The following GOLGA3 variants were observed in gnomAD, a reference collection of about 807,000 sequenced individuals.
GOLGA3 encodes golgin subfamily A member 3.
A neutral mutation model predicts 169.4 loss-of-function variants in GOLGA3; 75 were observed. The observed-to-expected ratio is 0.44, with a 90% CI of 0.37 to 0.54. The LOEUF is 0.54. Ranked by LOEUF, GOLGA3 falls within the 20% of genes least tolerant of loss-of-function variation. The pLI, the probability that GOLGA3 is intolerant of heterozygous loss-of-function variation, is 0.00. For synonymous variants in GOLGA3, 824 were observed against 822.4 expected, an observed-to-expected ratio of 1.00 and a Z score of -0.03; for missense variants, 1,899 against 1,930.0, an observed-to-expected ratio of 0.98 and a Z score of 0.30.
chr12:132,780,574 G>C (rs376026994), intron 18 of GOLGA3, among the ~76,000 whole-genome samples: 1 of 152,200 alleles, frequency 6.6e-6, no homozygotes, highest in Non-Finnish European at 1.5e-5. Flanking sequence ...ACATGCACGC[G>C]GAGCTCATTG....
intron 15 of GOLGA3, among the ~76,000 whole-genome samples, chr12:132,786,107 T>C (rs1317684009): frequency 6.6e-6 from 1 of 151,972 alleles, no homozygotes; most frequent in Non-Finnish European, 1.5e-5. Context: ...TTGAGGAAAA[T>C]CAGGTGAACG....
At chr12:132,801,672 G>T in intron 8 of GOLGA3, 95 bp downstream of exon 8, 1 of 1,221,022 alleles carries the variant, frequency 8.2e-7, no homozygotes, top group Non-Finnish European at 1.2e-6. Context: ...AAACATGCCT[G>T]TGAACTCTAA....
chr12:132,791,434 A>C, intron 11 of GOLGA3, 141 bp from the exon 12 acceptor site: 1 of 583,300 alleles, frequency 1.7e-6, no homozygotes. Context: ...ACACATCCTC[A>C]CAGATGTTAC....
At chr12:132,795,424 C>A (rs550141174) in intron 11 of GOLGA3, among the ~76,000 whole-genome samples, 24 of 149,664 alleles carry the variant, frequency 1.6e-4, no homozygotes, top group African/African-American at 5.9e-4. Flanking sequence ...GTTAGGAGTT[C>A]GAGACTAGCC....
intron 11 of GOLGA3, among the ~76,000 whole-genome samples, chr12:132,793,702 T>C (rs1333793649): frequency 6.9e-6 from 1 of 145,390 alleles, no homozygotes; most frequent in Non-Finnish European, 1.5e-5. Flanking sequence ...GGACCCGCAC[T>C]CGGAGGGCTC....
intron 11 of GOLGA3, 79 bp downstream of exon 11, chr12:132,795,773 G>A: frequency 7.0e-7 from 1 of 1,425,366 alleles, no homozygotes; most frequent in Admixed American, 2.1e-5. Context: ...AAAAAAGAAA[G>A]AAAGAAAGAA....
intron 22 of GOLGA3, chr12:132,774,732 G>A (rs1171016081): frequency 9.6e-6 from 4 of 418,312 alleles, no homozygotes; most frequent in African/African-American, 4.1e-5. Context: ...AGCACACGAC[G>A]CTAAACGGCC....
At position 132,772,691 on chromosome 12, in the gene GOLGA3, A is replaced by G. The variant is rs1331347147; in HGVS notation, c.*414T>C. The G allele has an allele frequency of 6.2e-6, 1 of 162,352 alleles. No individual in the cohort carries two copies. The highest frequency in any genetic ancestry group is 2.4e-5 in the African/African-American group (1 of 41,872). The allele number at this position is 162,352 out of a possible 1,614,324, so 10.1% of individuals were successfully genotyped here. A position where few individuals can be genotyped will look rare whatever the true frequency, so the allele number is the denominator to read the frequency against. On this transcript the variant is annotated 3_prime_UTR_variant, in exon 24 of 24. Transcript: ENST00000450791. ...ATTTCTGCGGAAAAGTAAAGCTCTTACTGAATGGAACAGGGAAGTGAGAAA... is the reference window on the plus strand; with the variant it reads ...ATTTCTGCGGAAAAGTAAAGCTCTTGCTGAATGGAACAGGGAAGTGAGAAA...
In GOLGA3 at chr12:132,769,824, T is replaced by G. The variant is rs2044819176; in HGVS notation, c.*3281A>C. 6.6e-6 allele frequency: 1 copy of G among 152,190 alleles called. No homozygotes were observed. Among genetic ancestry groups the G allele is most frequent in the Non-Finnish European group, 1.5e-5 (1 of 68,044 alleles). 9.4% of individuals were successfully genotyped at this position (152,190 alleles called of 1,614,324 possible). ...GAGGATATTCCATCATTCCCACTTC[T>G]GCCCACAAGAACAAAATAATTCAAA... On this transcript the variant is annotated 3_prime_UTR_variant, in exon 24 of 24. Coordinates refer to ENST00000450791, the MANE Select transcript of GOLGA3 (RefSeq NM_001389683.1).
intron 1 of GOLGA3, chr12:132,827,959 T>C (rs370199712): frequency 3.2e-4 from 48 of 150,402 alleles, no homozygotes; most frequent in African/African-American, 1.1e-3. Flanking sequence ...ACTGGCCCAG[T>C]GACAATAAAC....
Position 132,804,940 on chromosome 12 carries a change from C to T in GOLGA3, c.1373G>A (p.Ser458Asn). The change falls in exon 7 of 24, where the codon AGC becomes AAC. Residue 458 changes from serine to asparagine, a missense_variant. Physicochemically the swap from Ser to Asn is conservative, Grantham distance 46 (BLOSUM62 1). Coordinates refer to ENST00000450791, the MANE Select transcript of GOLGA3 (RefSeq NM_001389683.1). This position sits in a 1 kb window ranked among gnomAD's most constrained non-coding sequence, Gnocchi z 4.1. ...CAGCGAATCCTGCCGCTGCTGGCTG[C>T]TGTGGCTGCACTCCACCTGCGCCTG... ...KLQAQVECSH[S>N]SQQRQDSLSS... 6.2e-7 allele frequency: 1 copy of T among 1,613,548 alleles called. No individual in the cohort carries two copies. Among genetic ancestry groups the T allele is most frequent in the Non-Finnish European group, 8.5e-7 (1 of 1,179,986 alleles).
At position 132,796,319 on chromosome 12, in the gene GOLGA3, T is replaced by C. The variant is rs910488589; in HGVS notation, c.2101-99A>G. ...TTTCAAGTAATTTTGATGGACACTA[T>C]GGAGGGTCTTTTTTTCACGCACAAT... On this transcript the variant is annotated intron_variant, in intron 10 of 23. Coordinates refer to ENST00000450791, the MANE Select transcript of GOLGA3 (RefSeq NM_001389683.1). The C allele has an allele frequency of 3.2e-5, 44 of 1,396,620 alleles. No individual in the cohort carries two copies. In the African/African-American group the frequency reaches 5.0e-4, roughly 16 times the overall value. The allele number at this position is 1,396,620 out of a possible 1,614,324, so 86.5% of individuals were successfully genotyped here.
At position 132,801,943 on chromosome 12, in the gene GOLGA3, C is replaced by T; in HGVS notation, c.1624G>A (p.Ala542Thr). 1.3e-6 allele frequency: 2 copies of T among 1,599,248 alleles called. No individual in the cohort carries two copies. The highest frequency in any genetic ancestry group is 1.7e-6 in the Non-Finnish European group (2 of 1,178,788). The change falls in exon 8 of 24, where the codon GCC (alanine) becomes ACC (threonine). Residue 542 changes from alanine to threonine, a missense_variant. Physicochemically the swap from Ala to Thr is moderately conservative, Grantham distance 58 (BLOSUM62 0). Coordinates refer to ENST00000450791, the MANE Select transcript of GOLGA3 (RefSeq NM_001389683.1). ...TVHDLRQQMT[A>T]LQSQLQQVQL... Reference sequence around the variant, plus strand: ...ACCTGCTGAAGCTGGCTCTGCAAGGCTGTCATCTGCTGTCGCAGGTCGTGC... The same window carrying T: ...ACCTGCTGAAGCTGGCTCTGCAAGGTTGTCATCTGCTGTCGCAGGTCGTGC...
chr12:132,785,855 A>G (rs1164474256), intron 15 of GOLGA3, among the ~76,000 whole-genome samples: 3 of 152,226 alleles, frequency 2.0e-5, no homozygotes, highest in Non-Finnish European at 4.4e-5. Flanking sequence ...CTCTGCTCAG[A>G]GCCCTCCAGA....
chr12:132,826,899 A>T (rs1950439111), intron 1 of GOLGA3, among the ~76,000 whole-genome samples: 1 of 152,286 alleles, frequency 6.6e-6, no homozygotes, highest in East Asian at 1.9e-4. Context: ...TACTACAAAC[A>T]TGGCTCTATT....
At chr12:132,802,438 G>A (rs2136538506) in intron 7 of GOLGA3, among the ~76,000 whole-genome samples, 1 of 151,068 alleles carries the variant, frequency 6.6e-6, no homozygotes, top group African/African-American at 2.4e-5. Flanking sequence ...ACCAGCCTGG[G>A]CAACACAGCG....
rs1449096959 is a variant in GOLGA3 at position 132,821,995 on chromosome 12, C to T, written c.133+1G>A. 6.2e-7 allele frequency: 1 copy of T among 1,602,460 alleles called. No individual in the cohort carries two copies. ...GCACACAGAGGAACCTCACGACTTACACTGGACTTTGTCCTGCTGGTCAGG... is the reference window on the plus strand; with the variant it reads ...GCACACAGAGGAACCTCACGACTTATACTGGACTTTGTCCTGCTGGTCAGG... On this transcript the variant is annotated splice_donor_variant, in intron 2 of 23. Coordinates refer to ENST00000450791, the MANE Select transcript of GOLGA3 (RefSeq NM_001389683.1). LOFTEE classifies it high-confidence loss of function.
chr12:132,804,798 C>T lies in GOLGA3; in HGVS notation c.1515G>A (p.Leu505=). 6.2e-7 allele frequency: 1 copy of T among 1,614,238 alleles called. No individual in the cohort carries two copies. Among genetic ancestry groups the T allele is most frequent in the Non-Finnish European group, 8.5e-7 (1 of 1,180,030 alleles). The part of the protein sequence containing the change: ...NASLASSNND[L]QVAEEQYQRL... ...TCTGGTACTGCTCCTCGGCCACCTG[C>T]AAGTCGTTGTTGGACGACGCCAGGC... Residue 505 remains leucine (L), a synonymous_variant, in exon 7 of 24, where the codon TTG becomes TTA. Coordinates refer to ENST00000450791, the MANE Select transcript of GOLGA3 (RefSeq NM_001389683.1). The surrounding 1 kb of genome is among the most constrained non-coding windows in gnomAD (Gnocchi z 4.1).
intron 7 of GOLGA3, among the ~76,000 whole-genome samples, chr12:132,803,117 G>C (rs1949216259): frequency 6.6e-6 from 1 of 152,010 alleles, no homozygotes; most frequent in South Asian, 2.1e-4. Context: ...ACAGTGTTTG[G>C]GGCCATCTTT....
Sources: gnomAD v4.1 joint callset for allele counts (sites outside exome capture counted in the v4.1 genomes callset) on GRCh38, gnomAD v4.1.1 for gene constraint, Gnocchi (gnomAD v3.1) non-coding constraint, MANE v1.5 for transcripts, NCBI Gene and HGNC (gene_info 2026-07-23, HGNC 2026-07-21) for gene names.